The following ZMYND8 variants were observed in gnomAD, a reference collection of about 807,000 sequenced individuals.
ZMYND8 encodes MYND-type zinc finger-containing chromatin reader ZMYND8.
ZMYND8 carries 37 observed loss-of-function variants against 140.8 expected under a neutral mutation model. The ratio of observed to expected loss-of-function variants is 0.26; its 90% CI spans 0.20 to 0.35. The LOEUF (loss-of-function observed/expected upper bound fraction) is 0.35, where lower values mean the gene tolerates loss of function less well. Among genes scored for constraint, ZMYND8 ranks in the 10% least tolerant of loss-of-function variants. The pLI is 1.00. For synonymous variants in ZMYND8, 592 were observed against 597.1 expected (o/e 0.99, Z 0.12); for missense variants, 1,068 against 1,570.0 (o/e 0.68, Z 5.40).
chr20:47,340,994 A>C (rs1040986430), intron 2 of ZMYND8, among the ~76,000 whole-genome samples: 3 of 152,180 alleles, frequency 2.0e-5, no homozygotes, highest in African/African-American at 7.2e-5. Context: ...CATCAGACTG[A>C]ACACTGTAGA....
intron 14 of ZMYND8, among the ~76,000 whole-genome samples, chr20:47,243,592 A>C (rs1439513933): frequency 6.6e-6 from 1 of 152,236 alleles, no homozygotes; most frequent in Non-Finnish European, 1.5e-5. Context: ...AGATTGAAAT[A>C]GTACAGATTT....
intron 3 of ZMYND8, among the ~76,000 whole-genome samples, chr20:47,303,780 C>T (rs562629387): frequency 7.9e-5 from 12 of 152,320 alleles, no homozygotes; most frequent in African/African-American, 2.9e-4. Context: ...CTGATAGTAG[C>T]CGAGGTACTG....
intron 1 of ZMYND8, chr20:47,351,668 G>C (rs977377732): frequency 2.2e-5 from 22 of 984,248 alleles, no homozygotes; most frequent in East Asian, 1.1e-4. Context: ...AAATTGGGGT[G>C]GGGGGGAATG....
chr20:47,314,939 G>T (rs1009079459), intron 2 of ZMYND8, among the ~76,000 whole-genome samples: 1 of 152,194 alleles, frequency 6.6e-6, no homozygotes, highest in Non-Finnish European at 1.5e-5. Context: ...CAGTGCTCCA[G>T]GGACCCTTGA....
intron 1 of ZMYND8, among the ~76,000 whole-genome samples, chr20:47,351,093 AG>A (rs994424840): frequency 6.6e-6 from 1 of 152,216 alleles, no homozygotes; most frequent in African/African-American, 2.4e-5. Flanking sequence ...AAAGAATAAA[AG>A]ATTTCTCCCC....
chr20:47,290,583 G>GTTTTTTTTTTT (rs71183240), intron 6 of ZMYND8, among the ~76,000 whole-genome samples: 5 of 64,084 alleles, frequency 7.8e-5, no homozygotes, highest in African/African-American at 7.0e-5. Flanking sequence ...TATTTATTTA[G>GTTTTTTTTTTT]TTTTTTTTTT....
chr20:47,344,800 A>G (rs1438410326), intron 2 of ZMYND8, among the ~76,000 whole-genome samples: 8 of 152,236 alleles, frequency 5.3e-5, no homozygotes, highest in Non-Finnish European at 1.0e-4. Flanking sequence ...TGTTAAATTA[A>G]AAGTTCATTT....
At chr20:47,346,301 T>C (rs1285925144) in intron 2 of ZMYND8, among the ~76,000 whole-genome samples, 1 of 152,068 alleles carries the variant, frequency 6.6e-6, no homozygotes, top group Admixed American at 6.6e-5. Flanking sequence ...CAAAAACACC[T>C]CTGTGAGAAG....
intron 7 of ZMYND8, among the ~76,000 whole-genome samples, chr20:47,289,833 A>T (rs566752335): frequency 6.6e-6 from 1 of 152,240 alleles, no homozygotes; most frequent in Non-Finnish European, 1.5e-5. Context: ...GGCATGTATG[A>T]GAATCCAACA....
At chr20:47,294,214 C>T (rs1037898107) in intron 5 of ZMYND8, among the ~76,000 whole-genome samples, 15 of 151,500 alleles carry the variant, frequency 9.9e-5, no homozygotes, top group South Asian at 2.1e-4. Flanking sequence ...ATAGCCAGTG[C>T]GGTGGCGGGA....
intron 21 of ZMYND8, among the ~76,000 whole-genome samples, chr20:47,219,161 G>A (rs1466913777): frequency 1.3e-5 from 2 of 149,026 alleles, no homozygotes; most frequent in African/African-American, 2.5e-5. Context: ...GGGTTCAAGC[G>A]ATTCTCCTGC....
intron 2 of ZMYND8, among the ~76,000 whole-genome samples, chr20:47,322,444 T>C (rs2080039824): frequency 6.6e-6 from 1 of 150,382 alleles, no homozygotes; most frequent in African/African-American, 2.5e-5. Flanking sequence ...ATTTCTTTTT[T>C]TTTTTTTTTT....
intron 10 of ZMYND8, among the ~76,000 whole-genome samples, chr20:47,280,623 C>T (rs535224899): frequency 6.6e-6 from 1 of 152,230 alleles, no homozygotes; most frequent in Admixed American, 6.5e-5. Flanking sequence ...TTTTCCCATC[C>T]TGCCTGTGTC....
At position 47,330,361 on chromosome 20, in the gene ZMYND8, CT is replaced by C. The variant is rs111831182; in HGVS notation, c.85+17494del. On this transcript the variant is annotated intron_variant, in intron 2 of 22. Coordinates refer to ENST00000471951, the MANE Select transcript of ZMYND8 (RefSeq NM_001281775.3). The stretch of plus-strand genomic sequence containing the variant: ...CAAGCCACCATGCCTGGGTTTTTTG[CT>C]TTTTTTTTTTTTTTTTTTTGTAGGA... 9.8e-3 allele frequency among the ~76,000 whole-genome samples: 1,162 copies of C among 118,888 alleles called. 9 individuals carry two copies. The highest frequency in any genetic ancestry group is 0.03 in the Middle Eastern group (7 of 230). 78.0% of individuals were successfully genotyped at this position (118,888 alleles called of 152,430 possible).
chr20:47,229,529 C>T (rs561276147), intron 17 of ZMYND8, among the ~76,000 whole-genome samples, 197 bp downstream of exon 17: 1 of 152,258 alleles, frequency 6.6e-6, no homozygotes, highest in East Asian at 1.9e-4. Context: ...TCACACAAAG[C>T]AGGGCATGTC....
chr20:47,299,981 T>C (rs1171840104), intron 3 of ZMYND8, among the ~76,000 whole-genome samples: 1 of 152,180 alleles, frequency 6.6e-6, no homozygotes, highest in South Asian at 2.1e-4. Flanking sequence ...AGGTCCTTGT[T>C]TTTGCTAGGG....
At chr20:47,311,754 C>A (rs1601818570) in intron 2 of ZMYND8, among the ~76,000 whole-genome samples, 2 of 152,152 alleles carry the variant, frequency 1.3e-5, no homozygotes, top group African/African-American at 4.8e-5. Flanking sequence ...CCTGTAATCC[C>A]AGCTACTTGG....
intron 3 of ZMYND8, among the ~76,000 whole-genome samples, chr20:47,307,086 G>A (rs1427978974): frequency 6.6e-6 from 1 of 152,124 alleles, no homozygotes; most frequent in Non-Finnish European, 1.5e-5. Context: ...TGGCATTAGA[G>A]AAGTGGGGCC....
At chr20:47,340,782 G>C (rs761730522) in intron 2 of ZMYND8, among the ~76,000 whole-genome samples, 2 of 150,432 alleles carry the variant, frequency 1.3e-5, no homozygotes, top group Non-Finnish European at 2.9e-5. Context: ...GCAAGACTCT[G>C]TCTCAAAAAG....
Sources: allele counts gnomAD v4.1 joint callset (sites outside exome capture counted in the v4.1 genomes callset), GRCh38; gene constraint gnomAD v4.1.1; transcripts MANE v1.5; gene names NCBI Gene and HGNC (gene_info 2026-07-23, HGNC 2026-07-21).